MAP6: variants seen among roughly 807,000 people sequenced by gnomAD.
MAP6 encodes the protein microtubule-associated protein 6.
Under a neutral mutation model 42.4 loss-of-function variants are expected in MAP6, and 26 were observed. The observed-to-expected ratio is 0.61, with a 90% CI of 0.45 to 0.85. The LOEUF (loss-of-function observed/expected upper bound fraction) is 0.85, where lower values mean the gene tolerates loss of function less well. Ranked by LOEUF, MAP6 falls within the 40% of genes least tolerant of loss-of-function variation. The probability of loss-of-function intolerance (pLI) is 0.00; values close to 1 mark genes in which losing one functional copy is unlikely to be tolerated. For synonymous variants in MAP6, 418 were observed against 443.8 expected (o/e 0.94, Z 0.73); for missense variants, 966 against 1,099.0 (o/e 0.88, Z 1.71).
chr11:75,587,344 A>C lies in MAP6; in HGVS notation c.2157T>G (p.Ile719Met). 1 of 1,613,800 alleles carries C rather than the reference A, an allele frequency of 6.2e-7. No individual in the cohort carries two copies. Residue 719 changes from isoleucine (I) to methionine (M), a missense_variant, in exon 4 of 4, where the codon ATT (isoleucine) becomes ATG (methionine). Physicochemically the swap from Ile to Met is conservative, Grantham distance 10. Coordinates refer to ENST00000304771, the MANE Select transcript of MAP6 (RefSeq NM_033063.2). ...VPESVKNQDPILPVLVKDQGP... is the reference protein window; with the variant it reads ...VPESVKNQDPMLPVLVKDQGP... ...CTTGATCCTTAACTAGTACTGGGAG[A>C]ATGGGGTCTTGATTCTTCACGGACT...
At chr11:75,601,467 G>A (rs571435087) in intron 3 of MAP6, among the ~76,000 whole-genome samples, 6 of 152,150 alleles carry the variant, frequency 3.9e-5, no homozygotes, top group Middle Eastern at 3.4e-3. Context: ...CTATTCATCT[G>A]GAAAACAAAT....
chr11:75,653,682 G>T (rs948369926), intron 1 of MAP6, among the ~76,000 whole-genome samples: 3 of 152,192 alleles, frequency 2.0e-5, no homozygotes, highest in African/African-American at 7.2e-5. Context: ...AGTGGCAAAA[G>T]CCAGGCCTCT....
chr11:75,601,794 C>A (rs912133618), intron 3 of MAP6, among the ~76,000 whole-genome samples: 7 of 151,350 alleles, frequency 4.6e-5, no homozygotes, highest in Non-Finnish European at 1.0e-4. Context: ...AGCTACCCCC[C>A]CAGAACTGAA....
intron 3 of MAP6, among the ~76,000 whole-genome samples, chr11:75,593,197 C>T (rs1264108946): frequency 3.9e-5 from 6 of 152,246 alleles, no homozygotes. Context: ...CAGTTTTGCA[C>T]ATCATTGTAT....
intron 1 of MAP6, 112 bp from the exon 2 acceptor site, chr11:75,608,434 C>T (rs1942823237): frequency 1.2e-6 from 1 of 807,676 alleles, no homozygotes; most frequent in Non-Finnish European, 2.0e-6. Flanking sequence ...GCAGCATTGA[C>T]TGAAGTGTGG....
chr11:75,667,859 G>C lies in MAP6; in HGVS notation c.511C>G (p.His171Asp), dbSNP rs1943987011. The change falls in exon 1 of 4, where the codon CAC (histidine) becomes GAC (aspartate). Residue 171 changes from histidine (H) to aspartate (D), a missense_variant. By Grantham distance (81) the His-to-Asp change is moderately conservative. This residue lies in a region of MAP6 where 943 missense variants were observed against 1,049.9 expected (regional missense o/e 0.90). Transcript: ENST00000304771. The surrounding 1 kb of genome is among the most constrained non-coding windows in gnomAD (Gnocchi z 5.6). Reference sequence around the variant, plus strand: ...TGCACGGGCTTGGGGATCCACGGGTGGTCCCCGCGGCGCGGCAGCGGCCAG... The same window carrying C: ...TGCACGGGCTTGGGGATCCACGGGTCGTCCCCGCGGCGCGGCAGCGGCCAG... Reference protein sequence around the residue: ...RAWPLPRRGDHPWIPKPVQIS... With the variant: ...RAWPLPRRGDDPWIPKPVQIS... 1.4e-6 allele frequency: 2 copies of C among 1,441,330 alleles called. No individual in the cohort carries two copies. The highest frequency in any genetic ancestry group is 1.8e-6 in the Non-Finnish European group (2 of 1,094,474). The allele number at this position is 1,441,330 out of a possible 1,614,324, so 89.3% of individuals were successfully genotyped here.
At chr11:75,593,194 G>C (rs1171626835) in intron 3 of MAP6, among the ~76,000 whole-genome samples, 1 of 152,200 alleles carries the variant, frequency 6.6e-6, no homozygotes, top group African/African-American at 2.4e-5. Flanking sequence ...TGTCAGTTTT[G>C]CACATCATTG....
chr11:75,664,747 G>A (rs1449351384), intron 1 of MAP6, among the ~76,000 whole-genome samples: 5 of 152,162 alleles, frequency 3.3e-5, no homozygotes, highest in Admixed American at 6.5e-5. Context: ...AATAGGGAAG[G>A]AAAATCAATG....
intron 1 of MAP6, among the ~76,000 whole-genome samples, chr11:75,656,733 T>C (rs1468712797): frequency 6.6e-6 from 1 of 152,262 alleles, no homozygotes; most frequent in African/African-American, 2.4e-5. Flanking sequence ...TCTTCTTTTC[T>C]GTTCTACCCT....
rs1410817863 is a variant in MAP6, at chr11:75,667,172, G to C, written c.905+293C>G. ...ACAGCCTCTGCTGACATTGCAAAGG[G>C]TCTCTGTGGGAAGGCAGGGATCTGA... On this transcript the variant is annotated intron_variant, in intron 1 of 3. Transcript: ENST00000304771. The surrounding 1 kb of genome is among the most constrained non-coding windows in gnomAD (Gnocchi z 5.6). 6.6e-6 allele frequency among the ~76,000 whole-genome samples: 1 copy of C among 152,210 alleles called. No individual in the cohort carries two copies. Among genetic ancestry groups the C allele is most frequent in the Non-Finnish European group, 1.5e-5 (1 of 68,030 alleles).
chr11:75,594,817 G>T (rs1942548829), intron 3 of MAP6, among the ~76,000 whole-genome samples: 1 of 152,180 alleles, frequency 6.6e-6, no homozygotes, highest in African/African-American at 2.4e-5. Flanking sequence ...GCCCTGACTT[G>T]GGGGAAGGAG....
chr11:75,602,172 C>T (rs990343406), intron 3 of MAP6, among the ~76,000 whole-genome samples: 3 of 152,076 alleles, frequency 2.0e-5, no homozygotes, highest in Non-Finnish European at 2.9e-5. Flanking sequence ...CCCAGTTTTC[C>T]ATTTCTAGAC....
At chr11:75,615,260 G>A (rs1413917522) in intron 1 of MAP6, among the ~76,000 whole-genome samples, 1 of 152,162 alleles carries the variant, frequency 6.6e-6, no homozygotes, top group African/African-American at 2.4e-5. Flanking sequence ...GGTCTTGCCT[G>A]CTCTGAACAC....
intron 1 of MAP6, among the ~76,000 whole-genome samples, chr11:75,622,758 G>A (rs1943131032): frequency 6.6e-6 from 1 of 152,226 alleles, no homozygotes; most frequent in Admixed American, 6.5e-5. Flanking sequence ...ATCAGTCAGT[G>A]TGTTACTCAC....
chr11:75,598,493 A>G (rs1056180697), intron 3 of MAP6, among the ~76,000 whole-genome samples: 5 of 152,216 alleles, frequency 3.3e-5, no homozygotes, highest in African/African-American at 4.8e-5. Flanking sequence ...TAAAGTACAG[A>G]GGTATGCAGG....
chr11:75,622,646 G>A (rs1471845256), intron 1 of MAP6, among the ~76,000 whole-genome samples: 1 of 152,186 alleles, frequency 6.6e-6, no homozygotes, highest in Non-Finnish European at 1.5e-5. Context: ...AAAATTTATA[G>A]GGAAATGCAA....
rs1170509994 is a variant in MAP6, at chr11:75,587,841, C to T, written c.1660G>A (p.Val554Met). ...TGATCCTTTAGAGACTCTGGTACCA[C>T]AGAGCCTTGATCCTTAACTTTTGCT... ...VPAKVKDQGS[V>M]VPESLKDQGP... Residue 554 changes from valine (V) to methionine (M), a missense_variant, in exon 4 of 4, where the codon GTG becomes ATG. Physicochemically the swap from Val to Met is conservative, Grantham distance 21. Around this residue, in one of 2 missense-constraint regions of MAP6, gnomAD observed 943 missense variants for 1,049.9 expected, o/e 0.90. Transcript: ENST00000304771. 1 of 1,614,162 alleles carries T rather than the reference C, an allele frequency of 6.2e-7. No homozygotes were observed. The highest frequency in any genetic ancestry group is 2.2e-5 in the East Asian group (1 of 44,870).
chr11:75,664,098 G>A (rs531765733), intron 1 of MAP6, among the ~76,000 whole-genome samples: 3 of 152,150 alleles, frequency 2.0e-5, no homozygotes, highest in South Asian at 2.1e-4. Flanking sequence ...AATTGAGAAC[G>A]TCAGGTCTAA....
chr11:75,615,962 G>A (rs1942987756), intron 1 of MAP6, among the ~76,000 whole-genome samples: 1 of 139,916 alleles, frequency 7.1e-6, no homozygotes, highest in African/African-American at 2.6e-5. Flanking sequence ...CGGGGCGGCA[G>A]GGGGCGGGGG....
Sources: gnomAD v4.1 joint callset for allele counts (sites outside exome capture counted in the v4.1 genomes callset) on GRCh38, gnomAD v4.1.1 for gene constraint, gnomAD v4.1.1 regional missense constraint, Gnocchi (gnomAD v3.1) non-coding constraint, MANE v1.5 for transcripts, NCBI Gene and HGNC (gene_info 2026-07-23, HGNC 2026-07-21) for gene names.